Variants in CDH12 observed in about 807,000 individuals in gnomAD.
CDH12 encodes the protein cadherin-12.
Under a neutral mutation model 74.1 loss-of-function variants are expected in CDH12, and 41 were observed. The ratio of observed to expected loss-of-function variants is 0.55; its 90% confidence interval spans 0.43 to 0.72. The LOEUF is 0.72. CDH12 is among the 30% of genes least tolerant of loss of function. The pLI is 0.00. For synonymous variants in CDH12, 399 were observed against 355.0 expected (o/e 1.12, Z -1.39); for missense variants, 945 against 977.2 (o/e 0.97, Z 0.44).
intron 1 of CDH12, among the ~76,000 whole-genome samples, chr5:22,646,045 C>T (rs1197684803): frequency 6.6e-6 from 1 of 151,490 alleles, no homozygotes; most frequent in Non-Finnish European, 1.5e-5. Context: ...CTGAAATATG[C>T]CTATGAATCC....
At chr5:21,843,815 G>A (rs907758795) in intron 7 of CDH12, among the ~76,000 whole-genome samples, 2 of 151,994 alleles carry the variant, frequency 1.3e-5, no homozygotes, top group Admixed American at 6.6e-5. Flanking sequence ...GAGTGTTCTG[G>A]TTCTACATAC....
At chr5:22,549,646 A>G (rs1241973506) in intron 1 of CDH12, among the ~76,000 whole-genome samples, 1 of 152,316 alleles carries the variant, frequency 6.6e-6, no homozygotes, top group East Asian at 1.9e-4. Context: ...TATGTAGTTC[A>G]AAACGACTGG....
chr5:22,112,166 A>G (rs929192950), intron 4 of CDH12, among the ~76,000 whole-genome samples: 5 of 152,132 alleles, frequency 3.3e-5, no homozygotes, highest in Admixed American at 3.3e-4. Flanking sequence ...ATTGAAAAAA[A>G]ACACTTCAAC....
intron 1 of CDH12, among the ~76,000 whole-genome samples, chr5:22,561,505 T>A (rs1198501688): frequency 6.6e-6 from 1 of 152,116 alleles, no homozygotes; most frequent in Non-Finnish European, 1.5e-5. Flanking sequence ...ATAAAATCTG[T>A]ATTTTTTTTT....
chr5:21,852,179 G>A (rs1260557839), intron 7 of CDH12, among the ~76,000 whole-genome samples: 1 of 151,260 alleles, frequency 6.6e-6, no homozygotes, highest in East Asian at 1.9e-4. Context: ...TGAAGAACTA[G>A]TTTTCATTCT....
rs571936967 is a variant in CDH12 at position 21,927,913 on chromosome 5, C to CA, written c.526+47177dup. Among the ~76,000 whole-genome samples, 143 of 150,086 alleles carry CA rather than the reference C, an allele frequency of 9.5e-4. 2 individuals are homozygous for CA. The South Asian group carries it at 0.011, about 12-fold the overall frequency. On this transcript the variant is annotated intron_variant, in intron 6 of 14. Coordinates refer to ENST00000382254, the MANE Select transcript of CDH12 (RefSeq NM_004061.5). The stretch of plus-strand genomic sequence containing the variant: ...TGAAACCCCGTCTCTACTAAAAATA[C>CA]AAAAAAAAATTAGCTGGGCTTGGTA...
At chr5:21,931,301 C>T (rs898737225) in intron 6 of CDH12, among the ~76,000 whole-genome samples, 1 of 152,140 alleles carries the variant, frequency 6.6e-6, no homozygotes, top group East Asian at 1.9e-4. Flanking sequence ...TTTCCTCACA[C>T]TGGTTCCCAG....
At chr5:21,914,182 G>A (rs576066820) in intron 6 of CDH12, among the ~76,000 whole-genome samples, 21 of 152,254 alleles carry the variant, frequency 1.4e-4, no homozygotes, top group East Asian at 3.9e-4. Flanking sequence ...GGCTTTTGAC[G>A]TGAAAAACCT....
At chr5:21,979,934 C>T (rs1757235714) in intron 5 of CDH12, among the ~76,000 whole-genome samples, 1 of 151,740 alleles carries the variant, frequency 6.6e-6, no homozygotes, top group Admixed American at 6.6e-5. Flanking sequence ...TTCTCCACAT[C>T]CTCTCCAGCA....
At chr5:22,429,167 T>A (rs1744067090) in intron 2 of CDH12, among the ~76,000 whole-genome samples, 1 of 151,844 alleles carries the variant, frequency 6.6e-6, no homozygotes, top group Non-Finnish European at 1.5e-5. Context: ...GGCCTTGTTT[T>A]GTTGACCAGG....
intron 6 of CDH12, among the ~76,000 whole-genome samples, chr5:21,926,139 A>G (rs1312057384): frequency 6.6e-6 from 1 of 151,824 alleles, no homozygotes. Flanking sequence ...TGTTGTGCAT[A>G]TTTTTGCTCA....
chr5:22,643,375 CT>C (rs1399608195), intron 1 of CDH12, among the ~76,000 whole-genome samples: 1 of 152,078 alleles, frequency 6.6e-6, no homozygotes, highest in African/African-American at 2.4e-5. Flanking sequence ...AAGAAAGTTT[CT>C]GTTTGCTTCA....
intron 5 of CDH12, among the ~76,000 whole-genome samples, chr5:22,055,937 C>G (rs150210685): frequency 1.3e-5 from 2 of 152,040 alleles, no homozygotes; most frequent in Non-Finnish European, 2.9e-5. Context: ...GATAAAAATA[C>G]ATAGTCATAA....
chr5:22,045,947 TCTCTA>T (rs1739920663), intron 5 of CDH12, among the ~76,000 whole-genome samples: 1 of 152,188 alleles, frequency 6.6e-6, no homozygotes, highest in Non-Finnish European at 1.5e-5. Context: ...CATTCAGATT[TCTCTA>T]CTCTGATTTG....
intron 4 of CDH12, among the ~76,000 whole-genome samples, chr5:22,119,559 G>A (rs1745382816): frequency 6.6e-6 from 1 of 151,918 alleles, no homozygotes; most frequent in Non-Finnish European, 1.5e-5. Flanking sequence ...CAAAGTGCTG[G>A]GATTACAGGT....
At chr5:22,068,270 T>G (rs1017671714) in intron 5 of CDH12, among the ~76,000 whole-genome samples, 11 of 151,984 alleles carry the variant, frequency 7.2e-5, no homozygotes, top group Non-Finnish European at 1.5e-4. Flanking sequence ...TGCCACACTC[T>G]CTTCTCTTTC....
chr5:21,860,660 G>A (rs1750996183), intron 6 of CDH12, among the ~76,000 whole-genome samples: 1 of 149,352 alleles, frequency 6.7e-6, no homozygotes, highest in Non-Finnish European at 1.5e-5. Context: ...CTGACTTGCT[G>A]AGTCTTCTGG....
intron 4 of CDH12, among the ~76,000 whole-genome samples, chr5:22,183,589 C>T (rs1456168879): frequency 1.3e-5 from 2 of 151,938 alleles, no homozygotes; most frequent in African/African-American, 2.4e-5. Flanking sequence ...TTTAATGAAA[C>T]CAAAAATTTT....
intron 10 of CDH12, among the ~76,000 whole-genome samples, chr5:21,786,970 C>T (rs1020997209): frequency 6.6e-6 from 1 of 152,138 alleles, no homozygotes; most frequent in Non-Finnish European, 1.5e-5. Flanking sequence ...GCCTGAATTG[C>T]TGCAATTTCA....
Sources: gnomAD v4.1 joint callset for allele counts (sites outside exome capture counted in the v4.1 genomes callset) on GRCh38, gnomAD v4.1.1 for gene constraint, MANE v1.5 for transcripts, NCBI Gene and HGNC (gene_info 2026-07-23, HGNC 2026-07-21) for gene names.